LAMA3: variants seen among roughly 807,000 people sequenced by gnomAD.
LAMA3 encodes laminin subunit alpha-3.
Under a neutral mutation model 402.0 loss-of-function variants are expected in LAMA3, and 281 were observed. That is an observed-to-expected ratio of 0.70 (90% CI 0.63 to 0.77). The LOEUF (loss-of-function observed/expected upper bound fraction) is 0.77, where lower values mean the gene tolerates loss of function less well. Ranked by LOEUF, LAMA3 falls within the 30% of genes least tolerant of loss-of-function variation. LAMA3 has a pLI of 0.00. For missense variants in LAMA3, 3,840 were observed against 4,215.5 expected (o/e 0.91, Z 2.47); for synonymous variants, 1,431 against 1,558.4 (o/e 0.92, Z 1.93).
chr18:23,801,915 A>C (rs565087156), intron 12 of LAMA3, among the ~76,000 whole-genome samples: 1 of 152,306 alleles, frequency 6.6e-6, no homozygotes, highest in Non-Finnish European at 1.5e-5. Context: ...TCAGTTGGAA[A>C]ACAAAGATTT....
At chr18:23,767,238 A>C (rs938875012) in intron 8 of LAMA3, among the ~76,000 whole-genome samples, 1 of 152,260 alleles carries the variant, frequency 6.6e-6, no homozygotes, top group African/African-American at 2.4e-5. Context: ...AAACAAATGA[A>C]AAGACATTCC....
At chr18:23,799,422 G>A (rs920499454) in intron 12 of LAMA3, among the ~76,000 whole-genome samples, 1 of 152,218 alleles carries the variant, frequency 6.6e-6, no homozygotes, top group Non-Finnish European at 1.5e-5. Flanking sequence ...ATTGAAATGA[G>A]AAGCGTGTTG....
At chr18:23,892,640 T>G (rs1007730944) in intron 42 of LAMA3, among the ~76,000 whole-genome samples, 3 of 152,198 alleles carry the variant, frequency 2.0e-5, no homozygotes, top group African/African-American at 7.2e-5. Flanking sequence ...TGGTGGCTCA[T>G]GCCTGTAATC....
intron 8 of LAMA3, among the ~76,000 whole-genome samples, chr18:23,768,371 A>G (rs1234234737): frequency 1.3e-5 from 2 of 152,252 alleles, no homozygotes; most frequent in African/African-American, 2.4e-5. Flanking sequence ...ACAAGTGGCC[A>G]ACAAACGTAT....
At chr18:23,751,982 T>G in intron 5 of LAMA3, among the ~76,000 whole-genome samples, 1 of 151,880 alleles carries the variant, frequency 6.6e-6, no homozygotes, top group East Asian at 1.9e-4. Context: ...ATCTGGAGGG[T>G]GAATGGAAGA....
In LAMA3 at chr18:23,749,427, G is replaced by A. The variant is rs776632604; in HGVS notation, c.566-1G>A. The A allele has an allele frequency of 1.3e-6, 2 of 1,486,796 alleles. No homozygotes were observed. The highest frequency in any genetic ancestry group is 1.9e-6 in the Non-Finnish European group (2 of 1,069,072). 92.1% of individuals were successfully genotyped at this position (1,486,796 alleles called of 1,614,324 possible). ...ATAATATTAAAATATTTTCCTTCTA[G>A]ATTCTAAAGTAGACTGTTTAAAAGA... On this transcript the variant is annotated splice_acceptor_variant, in intron 3 of 74. Coordinates refer to ENST00000313654, the MANE Select transcript of LAMA3 (RefSeq NM_198129.4). LOFTEE classifies it high-confidence loss of function.
At position 23,717,719 on chromosome 18, in the gene LAMA3, A is replaced by ATTTT. The variant is rs1568109215; in HGVS notation, c.447+3647_447+3648insTTTT. ...AGGTGCCCACCACCATGCCTGGCTA[A>ATTTT]ATTTTTTTTTTTTTTTTTTTTTTTT... On this transcript the variant is annotated intron_variant, in intron 2 of 74. Coordinates refer to ENST00000313654, the MANE Select transcript of LAMA3 (RefSeq NM_198129.4). Among the ~76,000 whole-genome samples the ATTTT allele has an allele frequency of 6.3e-4, 73 of 116,788 alleles. 17 individuals are homozygous for ATTTT. The highest frequency in any genetic ancestry group is 1.3e-3 in the African/African-American group (34 of 25,682). The allele number at this position is 116,788 out of a possible 152,430, so 76.6% of individuals were successfully genotyped here.
chr18:23,742,149 T>G (rs1344629682), intron 2 of LAMA3, among the ~76,000 whole-genome samples: 1 of 152,180 alleles, frequency 6.6e-6, no homozygotes, highest in Non-Finnish European at 1.5e-5. Context: ...ATGCTCCATC[T>G]GAGTCAAATT....
Position 23,901,366 on chromosome 18 carries a change from T to A in LAMA3, c.6201+43T>A, listed in dbSNP as rs778645396. ...AGTTGCACACTTTCGTTAATAAGGA[T>A]GAGAGAAGCAGGGATCTTTATTATT... is the stretch of plus-strand genomic sequence containing the variant. On this transcript the variant is annotated intron_variant, in intron 48 of 74. Coordinates refer to ENST00000313654, the MANE Select transcript of LAMA3 (RefSeq NM_198129.4). 1.2e-5 allele frequency: 19 copies of A among 1,520,126 alleles called. No individual in the cohort carries two copies. The South Asian group carries it at 1.9e-4, about 15-fold the overall frequency. The allele number at this position is 1,520,126 out of a possible 1,614,324, so 94.2% of individuals were successfully genotyped here.
At chr18:23,800,375 G>C (rs2144180741) in intron 12 of LAMA3, among the ~76,000 whole-genome samples, 1 of 152,262 alleles carries the variant, frequency 6.6e-6, no homozygotes, top group East Asian at 1.9e-4. Context: ...AGATGAGAGA[G>C]GGAAGAAAAC....
chr18:23,884,902 G>T, intron 41 of LAMA3, 49 bp downstream of exon 41: 1 of 1,460,866 alleles, frequency 6.8e-7, no homozygotes, highest in Non-Finnish European at 9.5e-7. Flanking sequence ...GGCGGGGAGG[G>T]CTGTGGGTGG....
At chr18:23,862,974 A>T (rs1171246459) in intron 35 of LAMA3, among the ~76,000 whole-genome samples, 1 of 147,084 alleles carries the variant, frequency 6.8e-6, no homozygotes, top group African/African-American at 2.5e-5. Context: ...CCCCAAAGCA[A>T]CTTATGGGGG....
Position 23,826,721 on chromosome 18 carries a change from C to T in LAMA3, c.2591C>T (p.Pro864Leu), listed in dbSNP as rs1219511507. ...GVLLDYLVLL[P>L]RDYYEASVLQ... ...TTCTAGGATTACCTGGTGCTGCTCC[C>T]CAGGGACTACTATGAAGCCTCTGTA... is the stretch of plus-strand genomic sequence containing the variant. The change falls in exon 22 of 75, where the codon CCC (proline) becomes CTC (leucine). Residue 864 changes from proline to leucine, a missense_variant. Pro to Leu is a moderately conservative substitution (Grantham distance 98, BLOSUM62 -3). Coordinates refer to ENST00000313654, the MANE Select transcript of LAMA3 (RefSeq NM_198129.4). 6 of 1,561,532 alleles carry T rather than the reference C, an allele frequency of 3.8e-6. No individual in the cohort carries two copies. Among genetic ancestry groups the T allele is most frequent in the Non-Finnish European group, 5.2e-6 (6 of 1,151,202 alleles).
At chr18:23,720,286 A>T (rs1387146884) in intron 2 of LAMA3, among the ~76,000 whole-genome samples, 1 of 152,222 alleles carries the variant, frequency 6.6e-6, no homozygotes, top group Non-Finnish European at 1.5e-5. Flanking sequence ...TTATAGCTAT[A>T]ACAAAATTAG....
At chr18:23,808,276 A>G (rs184296500) in intron 12 of LAMA3, among the ~76,000 whole-genome samples, 22 of 152,338 alleles carry the variant, frequency 1.4e-4, no homozygotes, top group Admixed American at 5.9e-4. Flanking sequence ...ATCCTCCTAT[A>G]TAAATTAAAT....
chr18:23,779,166 A>G (rs542115508), intron 11 of LAMA3, among the ~76,000 whole-genome samples: 1 of 152,300 alleles, frequency 6.6e-6, no homozygotes, highest in East Asian at 1.9e-4. Context: ...GTCAGCCACT[A>G]GAGAGGCCTT....
intron 2 of LAMA3, among the ~76,000 whole-genome samples, chr18:23,728,994 G>C (rs896566964): frequency 2.9e-5 from 4 of 140,158 alleles, no homozygotes; most frequent in Middle Eastern, 8.9e-3. Context: ...TCGTACCGCT[G>C]TACTCCAGCC....
At chr18:23,924,928 TCCCTCTAAAGCAAAATTCTAAGGAA>T (rs2081961290) in intron 62 of LAMA3, among the ~76,000 whole-genome samples, 1 of 152,172 alleles carries the variant, frequency 6.6e-6, no homozygotes, top group Non-Finnish European at 1.5e-5. Context: ...GGCCCTTCAC[TCCCTCTAAAGCAAAATTCTAAGGAA>T]TAGTCAGCTG....
chr18:23,861,528 G>T, intron 34 of LAMA3, 118 bp from the exon 35 acceptor site: 2 of 1,080,128 alleles, frequency 1.9e-6, no homozygotes, highest in South Asian at 1.3e-5. Context: ...ACGCATAAAG[G>T]AGGCCTCTGA....
Sources: gnomAD v4.1 joint callset for allele counts (sites outside exome capture counted in the v4.1 genomes callset) on GRCh38, gnomAD v4.1.1 for gene constraint, MANE v1.5 for transcripts, NCBI Gene and HGNC (gene_info 2026-07-23, HGNC 2026-07-21) for gene names.